The following EP300 variants were observed in gnomAD, a reference collection of about 807,000 sequenced individuals.
EP300 encodes the protein histone acetyltransferase p300.
A neutral mutation model predicts 264.0 loss-of-function variants in EP300; 31 were observed. That is an observed-to-expected ratio of 0.12 (90% CI 0.09 to 0.16). The LOEUF is 0.16. Among genes scored for constraint, EP300 ranks in the 10% least tolerant of loss-of-function variants. The probability of loss-of-function intolerance (pLI) is 1.00; values close to 1 mark genes in which losing one functional copy is unlikely to be tolerated. For synonymous variants in EP300, 1,340 were observed against 1,045.4 expected (o/e 1.28, Z -5.44); for missense variants, 2,766 against 3,052.9 (o/e 0.91, Z 2.21).
chr22:41,170,893 G>C (rs970404415), intron 27 of EP300, among the ~76,000 whole-genome samples: 1 of 150,648 alleles, frequency 6.6e-6, no homozygotes, highest in Non-Finnish European at 1.5e-5. Context: ...TCGATCTCCT[G>C]ACCTTGTGAT....
At chr22:41,151,150 C>A (rs75843224) in intron 14 of EP300, among the ~76,000 whole-genome samples, 5,275 of 152,084 alleles carry the variant, frequency 0.035, 124 homozygotes, top group Non-Finnish European at 0.053. Context: ...TGTTGATGAA[C>A]TGAGAAGTTC....
chr22:41,176,279 T>C lies in EP300; in HGVS notation c.4812T>C (p.Pro1604=), dbSNP rs2145512269. 1 of 1,614,248 alleles carries C rather than the reference T, an allele frequency of 6.2e-7. No individual in the cohort carries two copies. Among genetic ancestry groups the C allele is most frequent in the Non-Finnish European group, 8.5e-7 (1 of 1,180,036 alleles). Residue 1604 remains proline, a synonymous_variant, in exon 30 of 31, where the codon CCT becomes CCC. Coordinates refer to ENST00000263253, the MANE Select transcript of EP300 (RefSeq NM_001429.4). ...VFFVIRLIAG[P]AANSLPPIVD... Reference sequence around the variant, plus strand: ...TTGTGATCCGCCTCATTGCTGGCCCTGCTGCCAACTCCCTGCCTCCCATTG... The same window carrying C: ...TTGTGATCCGCCTCATTGCTGGCCCCGCTGCCAACTCCCTGCCTCCCATTG...
chr22:41,159,939 G>T (rs1195876145), intron 19 of EP300: 1 of 150,746 alleles, frequency 6.6e-6, no homozygotes, highest in Non-Finnish European at 1.5e-5. Context: ...CTTCCAAAGT[G>T]CTAGGATTAT....
At chr22:41,169,136 A>G in intron 25 of EP300, 1 of 571,468 alleles carries the variant, frequency 1.7e-6, no homozygotes, top group Non-Finnish European at 3.1e-6. Context: ...ACTACTCTTC[A>G]GAAAATGAGC....
chr22:41,120,751 C>G (rs909035317), intron 2 of EP300, among the ~76,000 whole-genome samples: 25 of 152,062 alleles, frequency 1.6e-4, no homozygotes, highest in African/African-American at 6.0e-4. Context: ...AGGATCTCTT[C>G]CTATCACCCA....
At chr22:41,176,211 C>A (rs774403670) in intron 29 of EP300, 36 bp from the exon 30 acceptor site, 2 of 1,612,986 alleles carry the variant, frequency 1.2e-6, no homozygotes, top group Non-Finnish European at 1.7e-6. Context: ...CAGAGCGAGG[C>A]CCTGTCTCAA....
intron 1 of EP300, among the ~76,000 whole-genome samples, chr22:41,095,913 C>G (rs1388181142): frequency 4.6e-5 from 7 of 152,106 alleles, no homozygotes; most frequent in Non-Finnish European, 8.8e-5. Flanking sequence ...TTACTTAAAT[C>G]TCAACCTCTG....
intron 4 of EP300, among the ~76,000 whole-genome samples, chr22:41,128,824 T>A (rs917748039): frequency 2.0e-5 from 3 of 151,834 alleles, no homozygotes; most frequent in Non-Finnish European, 4.4e-5. Flanking sequence ...ATGTGCAATT[T>A]AAAAAATATT....
In EP300 at chr22:41,150,030, G is replaced by A. The variant is rs762383634; in HGVS notation, c.2649G>A (p.Arg883=). The change falls in exon 14 of 31, where the codon AGG becomes AGA. Residue 883 remains arginine, a synonymous_variant. Transcript: ENST00000263253. ...CCCAGGCTCTACATCCCCCTCCAAGGCAGACACCTACACCACCAACAACAC... is the reference window on the plus strand; with the variant it reads ...CCCAGGCTCTACATCCCCCTCCAAGACAGACACCTACACCACCAACAACAC... ...PQSQALHPPP[R]QTPTPPTTQL... is the part of the protein sequence containing the mutation. The A allele has an allele frequency of 9.9e-6, 16 of 1,613,666 alleles. 1 individual carries two copies. In the South Asian group the frequency reaches 1.8e-4, roughly 18 times the overall value.
chr22:41,160,900 T>A (rs183502585), intron 20 of EP300, among the ~76,000 whole-genome samples, 178 bp downstream of exon 20: 1 of 152,350 alleles, frequency 6.6e-6, no homozygotes, highest in Non-Finnish European at 1.5e-5. Context: ...AATACTCACA[T>A]TTCAACTGTT....
At chr22:41,101,802 C>G (rs1226849611) in intron 1 of EP300, among the ~76,000 whole-genome samples, 1 of 152,060 alleles carries the variant, frequency 6.6e-6, no homozygotes, top group Non-Finnish European at 1.5e-5. Flanking sequence ...TCCTGAGTAG[C>G]TGGGATTGCA....
At chr22:41,156,806 C>T (rs930095212) in intron 17 of EP300, among the ~76,000 whole-genome samples, 2 of 151,958 alleles carry the variant, frequency 1.3e-5, no homozygotes, top group Non-Finnish European at 2.9e-5. Context: ...TCAGATGGAA[C>T]ATTTTAAGTT....
At chr22:41,139,816 G>A (rs2058971556) in intron 8 of EP300, among the ~76,000 whole-genome samples, 1 of 152,130 alleles carries the variant, frequency 6.6e-6, no homozygotes, top group African/African-American at 2.4e-5. Flanking sequence ...AAGAGCAGAT[G>A]GAACTCTGAA....
intron 20 of EP300, among the ~76,000 whole-genome samples, chr22:41,161,345 T>G (rs917772328): frequency 6.6e-6 from 1 of 152,150 alleles, no homozygotes; most frequent in African/African-American, 2.4e-5. Flanking sequence ...TGGCCAGGCG[T>G]GGTGGCTCAT....
intron 7 of EP300, 140 bp from the exon 8 acceptor site, chr22:41,137,513 T>TTC: frequency 8.9e-7 from 1 of 1,120,434 alleles, no homozygotes; most frequent in Non-Finnish European, 1.3e-6. Flanking sequence ...AGTCACACAC[T>TTC]TCTCCCTGCC....
intron 16 of EP300, among the ~76,000 whole-genome samples, chr22:41,153,031 C>T (rs1271028747): frequency 6.6e-6 from 1 of 152,180 alleles, no homozygotes; most frequent in East Asian, 1.9e-4. Flanking sequence ...GCTGGGATTA[C>T]AGGCATGAGC....
At chr22:41,161,166 C>T (rs2059105956) in intron 20 of EP300, among the ~76,000 whole-genome samples, 2 of 152,210 alleles carry the variant, frequency 1.3e-5, no homozygotes, top group African/African-American at 2.4e-5. Flanking sequence ...TTACACCCTT[C>T]TCTTGTAGGT....
intron 15 of EP300, 43 bp downstream of exon 15, chr22:41,152,055 G>GT: frequency 6.2e-7 from 1 of 1,610,794 alleles, no homozygotes; most frequent in South Asian, 1.1e-5. Flanking sequence ...TAGGACCTCA[G>GT]TATAGGAACC....
chr22:41,135,709 C>A, intron 6 of EP300, 104 bp from the exon 7 acceptor site: 2 of 891,438 alleles, frequency 2.2e-6, no homozygotes, highest in Non-Finnish European at 3.7e-6. Context: ...GTATATGCTG[C>A]AAATTTTTTT....
Sources: allele counts gnomAD v4.1 joint callset (sites outside exome capture counted in the v4.1 genomes callset), GRCh38; gene constraint gnomAD v4.1.1; transcripts MANE v1.5; gene names NCBI Gene and HGNC (gene_info 2026-07-23, HGNC 2026-07-21).